ADGRV1: variants seen among roughly 807,000 people sequenced by gnomAD.
The protein encoded by ADGRV1 is G-protein coupled receptor 98.
ADGRV1 carries 359 observed loss-of-function variants against 596.2 expected under a neutral mutation model. That is an observed-to-expected ratio of 0.60 (90% confidence interval 0.55 to 0.66). The LOEUF (loss-of-function observed/expected upper bound fraction) is 0.66, where lower values mean the gene tolerates loss of function less well. Ranked by LOEUF, ADGRV1 falls within the 30% of genes least tolerant of loss-of-function variation. The pLI, the probability that ADGRV1 is intolerant of heterozygous loss-of-function variation, is 0.00. For missense variants in ADGRV1, 7,274 were observed against 7,575.6 expected (o/e 0.96, Z 1.48); for synonymous variants, 2,681 against 2,679.2 (o/e 1.00, Z -0.02).
At chr5:91,061,907 A>G (rs1466901585) in intron 85 of ADGRV1, among the ~76,000 whole-genome samples, 2 of 152,228 alleles carry the variant, frequency 1.3e-5, no homozygotes, top group Non-Finnish European at 2.9e-5. Context: ...TCACTTGCTC[A>G]CTAGCTATGT....
intron 83 of ADGRV1, among the ~76,000 whole-genome samples, chr5:90,912,019 G>T (rs1772932215): frequency 6.6e-6 from 1 of 152,084 alleles, no homozygotes; most frequent in Admixed American, 6.6e-5. Context: ...GCTTTATGGA[G>T]TGGGAAATTG....
At chr5:91,073,742 G>A (rs1027763505) in intron 86 of ADGRV1, among the ~76,000 whole-genome samples, 2 of 152,168 alleles carry the variant, frequency 1.3e-5, no homozygotes, top group African/African-American at 4.8e-5. Flanking sequence ...CTGTCACCCA[G>A]CTTGGAGTGC....
chr5:91,075,012 G>A lies in ADGRV1; in HGVS notation c.18310+2408G>A, dbSNP rs982064101. ...TGAAAAGTATCTGTTCATGTATTTTGCCCACTTTTTAATGGGCTTGTTTGG... is the reference window on the plus strand; with the variant it reads ...TGAAAAGTATCTGTTCATGTATTTTACCCACTTTTTAATGGGCTTGTTTGG... On this transcript the variant is annotated intron_variant, in intron 86 of 89. Coordinates refer to ENST00000405460, the MANE Select transcript of ADGRV1 (RefSeq NM_032119.4). Among the ~76,000 whole-genome samples, 58 of 151,934 alleles carry A rather than the reference G, an allele frequency of 3.8e-4. 1 individual carries two copies. The highest frequency in any genetic ancestry group is 1.5e-5 in the Non-Finnish European group (1 of 67,978).
intron 82 of ADGRV1, among the ~76,000 whole-genome samples, chr5:90,862,954 G>A (rs1357282341): frequency 6.6e-6 from 1 of 152,076 alleles, no homozygotes; most frequent in African/African-American, 2.4e-5. Context: ...TTATTAACGA[G>A]GCATTGATAT....
intron 85 of ADGRV1, among the ~76,000 whole-genome samples, chr5:91,052,578 G>A (rs1428308505): frequency 6.6e-6 from 1 of 151,806 alleles, no homozygotes; most frequent in Non-Finnish European, 1.5e-5. Flanking sequence ...GGTATTACAG[G>A]CCCCCACCAC....
intron 89 of ADGRV1, among the ~76,000 whole-genome samples, chr5:91,155,329 C>T (rs905681052): frequency 1.3e-5 from 2 of 152,106 alleles, no homozygotes; most frequent in Non-Finnish European, 2.9e-5. Flanking sequence ...AGCAGGAGCC[C>T]AGAGGCTTAA....
At chr5:90,904,994 G>T (rs1772183931) in intron 83 of ADGRV1, among the ~76,000 whole-genome samples, 1 of 151,924 alleles carries the variant, frequency 6.6e-6, no homozygotes, top group African/African-American at 2.4e-5. Flanking sequence ...TAAAAAGACT[G>T]CATTTTTTCT....
intron 1 of ADGRV1, among the ~76,000 whole-genome samples, chr5:90,594,656 G>C (rs1760017395): frequency 6.7e-6 from 1 of 148,706 alleles, no homozygotes; most frequent in Admixed American, 6.6e-5. Context: ...TGTGTCCCTG[G>C]GTACTTGAGA....
At chr5:90,994,949 C>G (rs947983966) in intron 85 of ADGRV1, among the ~76,000 whole-genome samples, 6 of 152,132 alleles carry the variant, frequency 3.9e-5, no homozygotes, top group African/African-American at 1.2e-4. Context: ...TTAGTAACTG[C>G]CTTAACCTTC....
intron 9 of ADGRV1, among the ~76,000 whole-genome samples, chr5:90,632,081 C>T (rs531678758): frequency 5.3e-4 from 81 of 152,132 alleles, no homozygotes; most frequent in Admixed American, 1.5e-3. Context: ...TCTCTGCTGT[C>T]AGTGTCCTCA....
intron 84 of ADGRV1, among the ~76,000 whole-genome samples, chr5:90,973,796 C>G (rs559012821): frequency 6.2e-4 from 94 of 152,230 alleles, no homozygotes; most frequent in African/African-American, 2.1e-3. Context: ...TGGCACAAGA[C>G]AGGGATGCCC....
chr5:90,595,729 G>A (rs1364318764), intron 1 of ADGRV1, among the ~76,000 whole-genome samples: 1 of 131,752 alleles, frequency 7.6e-6, no homozygotes, highest in Non-Finnish European at 1.6e-5. Context: ...CTTCCCAGTA[G>A]GGGCGGCCGG....
chr5:91,072,349 T>C, intron 85 of ADGRV1, 98 bp from the exon 86 acceptor site: 1 of 1,074,778 alleles, frequency 9.3e-7, no homozygotes, highest in African/African-American at 1.6e-5. Context: ...AGCATCTGGA[T>C]ACAAAGAGCT....
At chr5:90,865,937 G>T (rs1311003896) in intron 83 of ADGRV1, among the ~76,000 whole-genome samples, 1 of 152,076 alleles carries the variant, frequency 6.6e-6, no homozygotes, top group Non-Finnish European at 1.5e-5. Context: ...GGGATCCTCT[G>T]TCAATGTTAT....
At chr5:90,740,801 C>G (rs1753863001) in intron 50 of ADGRV1, among the ~76,000 whole-genome samples, 1 of 152,218 alleles carries the variant, frequency 6.6e-6, no homozygotes, top group Non-Finnish European at 1.5e-5. Flanking sequence ...ACTCAACTCT[C>G]TCTTCCCTCT....
chr5:90,934,603 T>C (rs1261359643), intron 83 of ADGRV1, among the ~76,000 whole-genome samples: 1 of 152,188 alleles, frequency 6.6e-6, no homozygotes, highest in Non-Finnish European at 1.5e-5. Flanking sequence ...ACCTTTTGAA[T>C]TGTTGTTCCA....
At chr5:90,761,645 C>T (rs766772395) in intron 58 of ADGRV1, among the ~76,000 whole-genome samples, 1 of 152,138 alleles carries the variant, frequency 6.6e-6, no homozygotes, top group Non-Finnish European at 1.5e-5. Flanking sequence ...TGTTTTAAAC[C>T]TAGTGTTAAG....
intron 85 of ADGRV1, among the ~76,000 whole-genome samples, chr5:91,038,636 A>G (rs1038777091): frequency 3.9e-5 from 6 of 152,220 alleles, no homozygotes; most frequent in African/African-American, 1.4e-4. Flanking sequence ...GAGTGCCTAG[A>G]AAGAATTAAC....
Position 90,690,594 on chromosome 5 carries a change from A to G in ADGRV1, c.6707-203A>G, listed in dbSNP as rs180704419. ...GAGCCCTATGGGCTTTGTGGTTTCTACTTCTATCACAGTGAAAAATAATTT... is the reference window on the plus strand; with the variant it reads ...GAGCCCTATGGGCTTTGTGGTTTCTGCTTCTATCACAGTGAAAAATAATTT... On this transcript the variant is annotated intron_variant, in intron 30 of 89. Transcript: ENST00000405460. Among the ~76,000 whole-genome samples the G allele has an allele frequency of 2.2e-3, 342 of 152,244 alleles. 1 individual carries two copies. Among genetic ancestry groups the G allele is most frequent in the African/African-American group, 7.2e-3 (299 of 41,542 alleles).
Sources: allele counts gnomAD v4.1 joint callset (sites outside exome capture counted in the v4.1 genomes callset), GRCh38; gene constraint gnomAD v4.1.1; transcripts MANE v1.5; gene names NCBI Gene and HGNC (gene_info 2026-07-23, HGNC 2026-07-21).